Variants in SAMD9 observed in about 807,000 individuals in gnomAD.
The protein encoded by SAMD9 is sterile alpha motif domain containing 9.
Under a neutral mutation model 1.5 loss-of-function variants are expected in SAMD9, and 3 were observed. The observed-to-expected ratio is 2.05, with a 90% CI of 0.93 to 5.29. SAMD9 has a LOEUF of 5.29. Ranked by LOEUF, SAMD9 falls within the 30% of genes most tolerant of loss-of-function variation. SAMD9 has a pLI of 0.02. For missense variants in SAMD9, 1,597 were observed against 1,820.8 expected (o/e 0.88, Z 2.24); for synonymous variants, 635 against 631.9 (o/e 1.00, Z -0.07).
chr7:93,108,993 G>A (rs924552514), intron 2 of SAMD9, among the ~76,000 whole-genome samples: 12 of 152,206 alleles, frequency 7.9e-5, no homozygotes, highest in African/African-American at 2.7e-4. Context: ...GAATGGACAG[G>A]CTGCCTCCTC....
In SAMD9 at chr7:93,103,950, T is replaced by C. The variant is rs763200702; in HGVS notation, c.2148A>G (p.Ala716=). The change falls in exon 3 of 3, where the codon GCA becomes GCG. Residue 716 remains alanine (A), a synonymous_variant. Coordinates refer to ENST00000379958, the MANE Select transcript of SAMD9 (RefSeq NM_017654.4). ...VKRDKYERLE[A]MIQNCADSSK... The stretch of plus-strand genomic sequence containing the variant: ...AAGAATCTGCACAGTTTTGAATCAT[T>C]GCTTCAAGTCTTTCATATTTATCCC... 1 of 1,613,148 alleles carries C rather than the reference T, an allele frequency of 6.2e-7. No individual in the cohort carries two copies. Among genetic ancestry groups the C allele is most frequent in the Non-Finnish European group, 8.5e-7 (1 of 1,179,396 alleles).
At chr7:93,116,031 A>C (rs1249053117) in intron 1 of SAMD9, among the ~76,000 whole-genome samples, 2 of 152,126 alleles carry the variant, frequency 1.3e-5, no homozygotes, top group African/African-American at 4.8e-5. Context: ...ACTATTTAAC[A>C]CATAAAGCAG....
rs1049903006 is a variant in SAMD9, at chr7:93,101,121, T to C, written c.*207A>G. On this transcript the variant is annotated 3_prime_UTR_variant, in exon 3 of 3. Transcript: ENST00000379958. ...TAACCAAACCAAGGAACATATTTGCTACTTTTCATATATCTCACTCCTTCC... is the reference window on the plus strand; with the variant it reads ...TAACCAAACCAAGGAACATATTTGCCACTTTTCATATATCTCACTCCTTCC... The C allele has an allele frequency of 3.4e-6, 2 of 587,548 alleles. No homozygotes were observed. Among genetic ancestry groups the C allele is most frequent in the African/African-American group, 3.7e-5 (2 of 53,630 alleles). The allele number at this position is 587,548 out of a possible 1,614,324, so 36.4% of individuals were successfully genotyped here.
chr7:93,104,786 C>G lies in SAMD9; in HGVS notation c.1312G>C (p.Ala438Pro), dbSNP rs778272982. ...GACTCAGGATCAAACTCCAATACAG[C>G]AAACCATTTAATTTCCTTCAGGAAA... ...LDFLKEIKWF[A>P]VLEFDPESNI... Residue 438 changes from alanine to proline, a missense_variant, in exon 3 of 3, where the codon GCT (alanine) becomes CCT (proline). Physicochemically the swap from Ala to Pro is conservative, Grantham distance 27. This residue lies in a region of SAMD9 where 358 missense variants were observed against 460.4 expected (regional missense o/e 0.78). Coordinates refer to ENST00000379958, the MANE Select transcript of SAMD9 (RefSeq NM_017654.4). The G allele has an allele frequency of 9.9e-6, 16 of 1,613,696 alleles. 1 individual carries two copies. The South Asian group carries it at 1.8e-4, about 18-fold the overall frequency.
chr7:93,103,721 G>C lies in SAMD9; in HGVS notation c.2377C>G (p.Pro793Ala). Residue 793 changes from proline to alanine, a missense_variant, in exon 3 of 3, where the codon CCT becomes GCT. Pro to Ala is a conservative substitution (Grantham distance 27). Coordinates refer to ENST00000379958, the MANE Select transcript of SAMD9 (RefSeq NM_017654.4). ...YGAMNRQEYV[P>A]VLLLVDDFEE... Reference sequence around the variant, plus strand: ...AAATCATCAACAAGGAGTAGTACAGGTACGTATTCCTGACGGTTCATTGCC... The same window carrying C: ...AAATCATCAACAAGGAGTAGTACAGCTACGTATTCCTGACGGTTCATTGCC... 6.2e-7 allele frequency: 1 copy of C among 1,613,732 alleles called. No homozygotes were observed. The highest frequency in any genetic ancestry group is 8.5e-7 in the Non-Finnish European group (1 of 1,179,684).
rs1427245202 is a variant in SAMD9 at position 93,105,398 on chromosome 7, T to C, written c.700A>G (p.Thr234Ala). 3 of 1,613,948 alleles carry C rather than the reference T, an allele frequency of 1.9e-6. No individual in the cohort carries two copies. Among genetic ancestry groups the C allele is most frequent in the Non-Finnish European group, 2.5e-6 (3 of 1,180,004 alleles). The change falls in exon 3 of 3, where the codon ACT (threonine) becomes GCT (alanine). Residue 234 changes from threonine to alanine, a missense_variant. Coordinates refer to ENST00000379958, the MANE Select transcript of SAMD9 (RefSeq NM_017654.4). ...TTGTCTTTGACTCCAAAATGAATAGTGCCATTGGTACGTGAATTCATACAA... is the reference window on the plus strand; with the variant it reads ...TTGTCTTTGACTCCAAAATGAATAGCGCCATTGGTACGTGAATTCATACAA... ...SACMNSRTNG[T>A]IHFGVKDKPH...
chr7:93,109,530 A>T (rs563825750), intron 2 of SAMD9, among the ~76,000 whole-genome samples: 1 of 152,348 alleles, frequency 6.6e-6, no homozygotes, highest in African/African-American at 2.4e-5. Flanking sequence ...AGGATGTTTG[A>T]ACCCATTGCA....
Position 93,117,867 on chromosome 7 carries a change from T to C in SAMD9, c.-114A>G, listed in dbSNP as rs1176625824. The C allele has an allele frequency of 6.6e-6, 1 of 152,236 alleles. No homozygotes were observed. The highest frequency in any genetic ancestry group is 1.5e-5 in the Non-Finnish European group (1 of 68,040). The allele number at this position is 152,236 out of a possible 1,614,324, so 9.4% of individuals were successfully genotyped here. On this transcript the variant is annotated 5_prime_UTR_variant, in exon 1 of 3. Coordinates refer to ENST00000379958, the MANE Select transcript of SAMD9 (RefSeq NM_017654.4). Reference sequence around the variant, plus strand: ...AATAATAGATATTGTACTTACCCAGTAGTCTTGCAAATTTCTTTTACATAT... The same window carrying C: ...AATAATAGATATTGTACTTACCCAGCAGTCTTGCAAATTTCTTTTACATAT...
chr7:93,107,525 A>G (rs1034465636), intron 2 of SAMD9, among the ~76,000 whole-genome samples: 12 of 152,232 alleles, frequency 7.9e-5, no homozygotes, highest in African/African-American at 2.9e-4. Flanking sequence ...ATGATCCAAA[A>G]TTGTGAGACA....
intron 1 of SAMD9, among the ~76,000 whole-genome samples, chr7:93,117,258 TTTGTTG>T (rs201142138): frequency 1.2e-3 from 178 of 150,610 alleles, no homozygotes; most frequent in Middle Eastern, 6.8e-3. Context: ...TATCTTTCCG[TTTGTTG>T]TTGTTGTTGT....
At chr7:93,113,486 CA>C (rs1791780519) in intron 2 of SAMD9, among the ~76,000 whole-genome samples, 1 of 152,060 alleles carries the variant, frequency 6.6e-6, no homozygotes, top group Non-Finnish European at 1.5e-5. Flanking sequence ...TTCTGCACAG[CA>C]AAAGAAACTA....
intron 1 of SAMD9, among the ~76,000 whole-genome samples, chr7:93,116,932 G>A (rs1791841328): frequency 6.6e-6 from 1 of 152,162 alleles, no homozygotes; most frequent in Non-Finnish European, 1.5e-5. Context: ...TTTTCTAGAA[G>A]GGAGTTGAAG....
chr7:93,102,841 T>G lies in SAMD9; in HGVS notation c.3257A>C (p.Gln1086Pro), dbSNP rs772420263. The change falls in exon 3 of 3, where the codon CAA becomes CCA. Residue 1086 changes from glutamine (Q) to proline (P), a missense_variant. Transcript: ENST00000379958. ...AATGTAGAAATGTCTTGCCAACGCTTGGCAAATGAATGCATTTGGGTTGAA... is the reference window on the plus strand; with the variant it reads ...AATGTAGAAATGTCTTGCCAACGCTGGGCAAATGAATGCATTTGGGTTGAA... ...HRFNPNAFIC[Q>P]ALARHFYIKK... The G allele has an allele frequency of 2.1e-5, 34 of 1,613,760 alleles. No individual in the cohort carries two copies. The highest frequency in any genetic ancestry group is 9.3e-6 in the Non-Finnish European group (11 of 1,179,808).
In SAMD9 at chr7:93,104,226, C is replaced by T; in HGVS notation, c.1872G>A (p.Val624=). Residue 624 remains valine (V), a synonymous_variant, in exon 3 of 3, where the codon GTG becomes GTA. Transcript: ENST00000379958. ...GCAAAAGCCTTTTTGAAGATTGAGT[C>T]ACAGATTTTAGTTTAAGAATAGTGC... ...INGTILKLKS[V]TQSSKRLLPS... is the part of the protein sequence containing the mutation. 1 of 1,613,856 alleles carries T rather than the reference C, an allele frequency of 6.2e-7. No homozygotes were observed. Among genetic ancestry groups the T allele is most frequent in the Non-Finnish European group, 8.5e-7 (1 of 1,179,834 alleles).
Position 93,104,107 on chromosome 7 carries a change from A to C in SAMD9, c.1991T>G (p.Leu664Arg). 6.2e-7 allele frequency: 1 copy of C among 1,613,932 alleles called. No individual in the cohort carries two copies. The change falls in exon 3 of 3, where the codon CTG (leucine) becomes CGG (arginine). Residue 664 changes from leucine to arginine, a missense_variant. Physicochemically the swap from Leu to Arg is moderately radical, Grantham distance 102. Coordinates refer to ENST00000379958, the MANE Select transcript of SAMD9 (RefSeq NM_017654.4). The stretch of plus-strand genomic sequence containing the variant: ...GAATTTATTTTTGTCCTTCTCTAAC[A>C]GTGTACCCTCACATTCATTTTCACA... The part of the protein sequence containing the change: ...IICENECEGT[L>R]LEKDKNKFLE...
chr7:93,102,885 CA>C lies in SAMD9; in HGVS notation c.3212del (p.Leu1071CysfsTer33), dbSNP rs1791559441. ...GGTTGAACCGATGGATACTTTCAAG[CA>C]ATACAGCTTCAACTGCTTCATTTCC... Reference protein sequence around the residue: ...DEGNEAVEAVLLESIHRFNPN... With the variant: ...DEGNEAVEAVXLESIHRFNPN... On this transcript the variant is annotated frameshift_variant, in exon 3 of 3. Transcript: ENST00000379958. LOFTEE classifies it low-confidence loss of function (END_TRUNC). The C allele has an allele frequency of 6.2e-7, 1 of 1,613,814 alleles. No individual in the cohort carries two copies. The highest frequency in any genetic ancestry group is 1.1e-5 in the South Asian group (1 of 91,082).
In SAMD9 at chr7:93,101,491, T is replaced by G; in HGVS notation, c.4607A>C (p.Asn1536Thr). 6.2e-7 allele frequency: 1 copy of G among 1,613,840 alleles called. No homozygotes were observed. Among genetic ancestry groups the G allele is most frequent in the Non-Finnish European group, 8.5e-7 (1 of 1,179,780 alleles). Residue 1536 changes from asparagine (N) to threonine (T), a missense_variant, in exon 3 of 3, where the codon AAC (asparagine) becomes ACC (threonine). Around this residue, in one of 6 missense-constraint regions of SAMD9, gnomAD observed 682 missense variants for 810.0 expected, o/e 0.84. Coordinates refer to ENST00000379958, the MANE Select transcript of SAMD9 (RefSeq NM_017654.4). ...TCCATATTCTATATATAAACAATTGTTTTCAGCTCGACCTTGTAAACGAAG... is the reference window on the plus strand; with the variant it reads ...TCCATATTCTATATATAAACAATTGGTTTCAGCTCGACCTTGTAAACGAAG... ...LLLRLQGRAENNCLYIEYGIN... is the reference protein window; with the variant it reads ...LLLRLQGRAETNCLYIEYGIN...
intron 2 of SAMD9, among the ~76,000 whole-genome samples, chr7:93,111,782 C>G (rs1444015738): frequency 6.6e-6 from 1 of 152,104 alleles, no homozygotes; most frequent in Non-Finnish European, 1.5e-5. Context: ...CCTGAATAGA[C>G]CAATAACAGG....
intron 2 of SAMD9, among the ~76,000 whole-genome samples, chr7:93,107,988 A>G (rs1791673013): frequency 6.6e-6 from 1 of 152,266 alleles, no homozygotes; most frequent in Non-Finnish European, 1.5e-5. Flanking sequence ...TACTCAAAAA[A>G]TAAAAAACTG....
Sources: gnomAD v4.1 joint callset for allele counts (sites outside exome capture counted in the v4.1 genomes callset) on GRCh38, gnomAD v4.1.1 for gene constraint, gnomAD v4.1.1 regional missense constraint, MANE v1.5 for transcripts, NCBI Gene and HGNC (gene_info 2026-07-23, HGNC 2026-07-21) for gene names.